The following SPATS2 variants were observed in gnomAD, a reference collection of about 807,000 sequenced individuals.
SPATS2 encodes spermatogenesis associated serine rich 2.
In SPATS2, 38 loss-of-function variants were observed where a neutral mutation model predicts 63.7. That is an observed-to-expected ratio of 0.60 (90% CI 0.46 to 0.78). The LOEUF is 0.78. Among genes scored for constraint, SPATS2 ranks in the 30% least tolerant of loss-of-function variants. The probability of loss-of-function intolerance (pLI) is 0.00; values close to 1 mark genes in which losing one functional copy is unlikely to be tolerated. For synonymous variants in SPATS2, 207 were observed against 232.9 expected, an observed-to-expected ratio of 0.89 and a Z score of 1.01; for missense variants, 588 against 666.2, an observed-to-expected ratio of 0.88 and a Z score of 1.29.
intron 3 of SPATS2, chr12:49,463,189 A>C (rs1466283983): frequency 6.6e-6 from 1 of 151,898 alleles, no homozygotes; most frequent in Non-Finnish European, 1.5e-5. Context: ...GTGGGTCACA[A>C]GGTCAGGAGA....
intron 13 of SPATS2, among the ~76,000 whole-genome samples, chr12:49,525,280 G>T (rs572849550): frequency 3.9e-5 from 6 of 152,276 alleles, no homozygotes; most frequent in Admixed American, 1.3e-4. Flanking sequence ...AATTTACAGG[G>T]AAAGAGAGAG....
intron 3 of SPATS2, among the ~76,000 whole-genome samples, chr12:49,483,858 A>T (rs1052206252): frequency 4.6e-5 from 7 of 152,232 alleles, no homozygotes; most frequent in African/African-American, 1.7e-4. Context: ...GGTGGTAAGT[A>T]TGCACATCAG....
chr12:49,500,068 A>G lies in SPATS2; in HGVS notation c.704-2A>G. The stretch of plus-strand genomic sequence containing the variant: ...TTTAATATTTCGGTTTTTTTCCCCA[A>G]GGTTCCAATATTGAAAAATCTGTAA... On this transcript the variant is annotated splice_acceptor_variant, in intron 8 of 13. Coordinates refer to ENST00000552918, the MANE Select transcript of SPATS2 (RefSeq NM_023071.4). LOFTEE classifies it high-confidence loss of function. 6.9e-7 allele frequency: 1 copy of G among 1,443,956 alleles called. No homozygotes were observed. The highest frequency in any genetic ancestry group is 9.1e-7 in the Non-Finnish European group (1 of 1,098,428). The allele number at this position is 1,443,956 out of a possible 1,614,324, so 89.4% of individuals were successfully genotyped here. A position where few individuals can be genotyped will look rare whatever the true frequency, so the allele number is the denominator to read the frequency against.
intron 9 of SPATS2, among the ~76,000 whole-genome samples, chr12:49,509,023 C>G (rs1946700297): frequency 6.6e-6 from 1 of 151,864 alleles, no homozygotes; most frequent in Non-Finnish European, 1.5e-5. Flanking sequence ...GAGATCATGC[C>G]ACTGCACTCT....
intron 3 of SPATS2, among the ~76,000 whole-genome samples, chr12:49,480,721 A>G (rs1946192190): frequency 6.6e-6 from 1 of 151,508 alleles, no homozygotes; most frequent in Non-Finnish European, 1.5e-5. Flanking sequence ...TTGGGGCTGT[A>G]CCATTTTACA....
intron 2 of SPATS2, among the ~76,000 whole-genome samples, chr12:49,416,239 C>G (rs773266957): frequency 6.6e-5 from 10 of 152,026 alleles, no homozygotes; most frequent in Non-Finnish European, 1.3e-4. Flanking sequence ...GTTGGAATCA[C>G]TTAGAAGCCT....
chr12:49,508,260 T>C (rs1252664878), intron 9 of SPATS2, among the ~76,000 whole-genome samples: 1 of 152,130 alleles, frequency 6.6e-6, no homozygotes, highest in Non-Finnish European at 1.5e-5. Flanking sequence ...CAGGCCAGAA[T>C]GTAGTGGCGC....
intron 2 of SPATS2, among the ~76,000 whole-genome samples, chr12:49,415,011 C>T (rs1177970663): frequency 6.7e-6 from 1 of 148,722 alleles, no homozygotes; most frequent in Non-Finnish European, 1.5e-5. Context: ...GGGATCTCGG[C>T]TCACTGCAAC....
chr12:49,412,147 T>C (rs1489581428), intron 2 of SPATS2, among the ~76,000 whole-genome samples: 2 of 152,190 alleles, frequency 1.3e-5, no homozygotes, highest in African/African-American at 4.8e-5. Context: ...ATTAGTGTTA[T>C]ATTGCAGAGG....
chr12:49,439,656 T>C (rs1464832883), intron 2 of SPATS2, among the ~76,000 whole-genome samples: 3 of 151,510 alleles, frequency 2.0e-5, no homozygotes, highest in African/African-American at 7.2e-5. Context: ...CTTGGGAAAG[T>C]GTATGCTTTG....
intron 2 of SPATS2, chr12:49,390,185 GCTT>G: frequency 1.4e-6 from 2 of 1,415,372 alleles, no homozygotes; most frequent in Non-Finnish European, 1.9e-6. Context: ...GAGTCTGTGA[GCTT>G]CTTACATGGC....
intron 7 of SPATS2, among the ~76,000 whole-genome samples, chr12:49,495,886 A>G (rs1176851575): frequency 6.6e-6 from 1 of 152,218 alleles, no homozygotes; most frequent in Admixed American, 6.5e-5. Flanking sequence ...GTTGGTTTTT[A>G]TAGTCTCACA....
chr12:49,426,568 CAG>C (rs1217063298), intron 2 of SPATS2, among the ~76,000 whole-genome samples: 2 of 152,024 alleles, frequency 1.3e-5, no homozygotes, highest in African/African-American at 4.8e-5. Flanking sequence ...TTTTTTGAGA[CAG>C]AGTCTCGCTG....
intron 3 of SPATS2, among the ~76,000 whole-genome samples, chr12:49,484,139 G>T (rs1250277807): frequency 8.5e-5 from 13 of 152,196 alleles, no homozygotes; most frequent in Admixed American, 7.2e-4. Context: ...GTATTCACGG[G>T]TTTATAGTCT....
chr12:49,524,664 C>T lies in SPATS2; in HGVS notation c.1112-18C>T, dbSNP rs768639159. 6.2e-7 allele frequency: 1 copy of T among 1,609,046 alleles called. No homozygotes were observed. Among genetic ancestry groups the T allele is most frequent in the Non-Finnish European group, 8.5e-7 (1 of 1,175,592 alleles). On this transcript the variant is annotated intron_variant, in intron 12 of 13. Coordinates refer to ENST00000552918, the MANE Select transcript of SPATS2 (RefSeq NM_023071.4). ...TGTTCTATCATATGATCATATATTC[C>T]TCATATTTCTGTTTCAGTGTCTCAT...
intron 3 of SPATS2, among the ~76,000 whole-genome samples, chr12:49,469,126 A>C (rs1007130994): frequency 6.6e-6 from 1 of 151,990 alleles, no homozygotes; most frequent in African/African-American, 2.4e-5. Flanking sequence ...GGCCAGGCAC[A>C]GTGGTTCACG....
chr12:49,490,809 A>G (rs1592451507), intron 6 of SPATS2, 78 bp downstream of exon 6: 1 of 1,368,864 alleles, frequency 7.3e-7, no homozygotes, highest in Non-Finnish European at 1.0e-6. Context: ...AATATTTGAA[A>G]GAAAAGGTTC....
intron 2 of SPATS2, among the ~76,000 whole-genome samples, chr12:49,379,972 A>G (rs1477319466): frequency 2.0e-5 from 3 of 151,994 alleles, no homozygotes; most frequent in Non-Finnish European, 4.4e-5. Flanking sequence ...TATTCATTAA[A>G]TATTTACTCT....
At position 49,423,740 on chromosome 12, in the gene SPATS2, C is replaced by T. The variant is rs368947247; in HGVS notation, c.-243-37030C>T. 4.7e-4 allele frequency among the ~76,000 whole-genome samples: 71 copies of T among 152,284 alleles called. No individual in the cohort carries two copies. In the South Asian group the frequency reaches 0.012, roughly 26 times the overall value. On this transcript the variant is annotated intron_variant, in intron 2 of 13. Coordinates refer to ENST00000552918, the MANE Select transcript of SPATS2 (RefSeq NM_023071.4). ...AGAAACCCTGTAAGTAACTGTCGTA[C>T]CCAAATTCACCTAAATGGATGTTGT...
Sources: gnomAD v4.1 joint callset for allele counts (sites outside exome capture counted in the v4.1 genomes callset) on GRCh38, gnomAD v4.1.1 for gene constraint, MANE v1.5 for transcripts, NCBI Gene and HGNC (gene_info 2026-07-23, HGNC 2026-07-21) for gene names.